TLK1: variants seen among roughly 807,000 people sequenced by gnomAD.
The protein encoded by TLK1 is serine/threonine-protein kinase tousled-like 1.
A neutral mutation model predicts 105.3 loss-of-function variants in TLK1; 24 were observed. The observed-to-expected ratio is 0.23, with a 90% confidence interval of 0.17 to 0.32. The LOEUF is 0.32. TLK1 is among the 10% of genes least tolerant of loss of function. TLK1 has a pLI of 1.00. For missense variants in TLK1, 558 were observed against 910.5 expected, an observed-to-expected ratio of 0.61 and a Z score of 4.98; for synonymous variants, 321 against 310.4, an observed-to-expected ratio of 1.03 and a Z score of -0.36.
intron 1 of TLK1, among the ~76,000 whole-genome samples, chr2:171,143,120 C>T (rs926990278): frequency 6.6e-6 from 1 of 151,928 alleles, no homozygotes; most frequent in Non-Finnish European, 1.5e-5. Context: ...AATGAATGCA[C>T]GAATGGACAA....
At chr2:171,028,825 T>TA (rs964526283) in intron 11 of TLK1, among the ~76,000 whole-genome samples, 4 of 151,888 alleles carry the variant, frequency 2.6e-5, no homozygotes, top group East Asian at 1.9e-4. Context: ...TAAGCAAGCA[T>TA]AAAAAAAACC....
intron 10 of TLK1, among the ~76,000 whole-genome samples, chr2:171,049,411 G>A (rs572921110): frequency 6.6e-6 from 1 of 152,178 alleles, no homozygotes; most frequent in Non-Finnish European, 1.5e-5. Flanking sequence ...TAGGAATAGA[G>A]AGCAGGCAAG....
intron 1 of TLK1, among the ~76,000 whole-genome samples, chr2:171,150,634 T>C (rs1362900349): frequency 1.3e-5 from 2 of 152,214 alleles, no homozygotes; most frequent in Admixed American, 6.5e-5. Flanking sequence ...AGAGAAGCTG[T>C]CTTTCAAGTG....
chr2:171,128,966 ATGTGTG>A (rs10609101), intron 1 of TLK1, among the ~76,000 whole-genome samples: 1 of 150,520 alleles, frequency 6.6e-6, no homozygotes, highest in African/African-American at 2.5e-5. Flanking sequence ...GAGGAAGAGT[ATGTGTG>A]TGTGTGTGTG....
At chr2:171,115,277 T>C (rs7585619) in intron 2 of TLK1, among the ~76,000 whole-genome samples, 38,192 of 150,720 alleles carry the variant, frequency 0.25, 5,067 homozygotes, top group Middle Eastern at 0.34. Context: ...GTTCAAGCAA[T>C]TCTCCTGCCT....
chr2:171,078,110 GTTATCTTCCTTC>G (rs1688594662), intron 3 of TLK1, among the ~76,000 whole-genome samples: 3 of 152,150 alleles, frequency 2.0e-5, no homozygotes, highest in Non-Finnish European at 2.9e-5. Flanking sequence ...ATCTACACTT[GTTATCTTCCTTC>G]TGTGATGCCC....
chr2:171,207,422 T>C (rs1275485262), intron 1 of TLK1, among the ~76,000 whole-genome samples: 1 of 152,212 alleles, frequency 6.6e-6, no homozygotes, highest in Non-Finnish European at 1.5e-5. Context: ...AGAGAATTTT[T>C]AGGGCAGTAT....
chr2:171,096,644 G>C (rs1451441980), intron 2 of TLK1, among the ~76,000 whole-genome samples: 1 of 151,760 alleles, frequency 6.6e-6, no homozygotes, highest in East Asian at 1.9e-4. Context: ...TATAGTCCCA[G>C]CTACTCAGGA....
At chr2:171,082,117 T>C (rs1418346510) in intron 3 of TLK1, among the ~76,000 whole-genome samples, 1 of 152,002 alleles carries the variant, frequency 6.6e-6, no homozygotes, top group Non-Finnish European at 1.5e-5. Flanking sequence ...AGTCAAGCTG[T>C]AACATCAACA....
intron 11 of TLK1, among the ~76,000 whole-genome samples, chr2:171,038,059 T>C (rs571813751): frequency 6.6e-6 from 1 of 152,358 alleles, no homozygotes; most frequent in South Asian, 2.1e-4. Context: ...TGGATTTTGT[T>C]TCTTCTACTG....
intron 1 of TLK1, among the ~76,000 whole-genome samples, chr2:171,184,798 A>G (rs1692994047): frequency 6.6e-6 from 1 of 152,062 alleles, no homozygotes; most frequent in Non-Finnish European, 1.5e-5. Context: ...TGATCCATTT[A>G]TCAGAAAGGA....
intron 11 of TLK1, among the ~76,000 whole-genome samples, chr2:171,032,960 C>T (rs1209676480): frequency 1.3e-5 from 2 of 152,156 alleles, no homozygotes; most frequent in Non-Finnish European, 2.9e-5. Flanking sequence ...GTAATGCCAG[C>T]ACTTTCGGAA....
At chr2:171,197,059 G>C (rs1023844056) in intron 1 of TLK1, among the ~76,000 whole-genome samples, 1 of 151,964 alleles carries the variant, frequency 6.6e-6, no homozygotes, top group African/African-American at 2.4e-5. Context: ...CTAAGTGTGG[G>C]GAAAGTACAA....
At chr2:171,033,665 A>G (rs1488422496) in intron 11 of TLK1, among the ~76,000 whole-genome samples, 1 of 151,222 alleles carries the variant, frequency 6.6e-6, no homozygotes, top group Non-Finnish European at 1.5e-5. Context: ...GTATCATAAT[A>G]TATCATGTAC....
intron 12 of TLK1, among the ~76,000 whole-genome samples, chr2:171,022,299 G>C (rs1685565698): frequency 6.6e-6 from 1 of 152,022 alleles, no homozygotes; most frequent in African/African-American, 2.4e-5. Context: ...CCCATCTACA[G>C]CTAGTTCCAT....
intron 1 of TLK1, among the ~76,000 whole-genome samples, chr2:171,135,796 A>G (rs1691294684): frequency 6.6e-6 from 1 of 152,144 alleles, no homozygotes; most frequent in South Asian, 2.1e-4. Context: ...GAAAAAAAGA[A>G]AAAGATGCTC....
intron 1 of TLK1, among the ~76,000 whole-genome samples, chr2:171,188,375 G>A (rs1191569693): frequency 6.6e-6 from 1 of 152,168 alleles, no homozygotes; most frequent in African/African-American, 2.4e-5. Flanking sequence ...TTCAAGACCA[G>A]CCTGGCCAAC....
At chr2:171,034,876 A>G (rs961902512) in intron 11 of TLK1, among the ~76,000 whole-genome samples, 3 of 152,116 alleles carry the variant, frequency 2.0e-5, no homozygotes, top group Non-Finnish European at 2.9e-5. Flanking sequence ...TATACTTAGT[A>G]TAAGTATAAT....
At chr2:171,157,255 G>A (rs1402130322) in intron 1 of TLK1, among the ~76,000 whole-genome samples, 1 of 152,200 alleles carries the variant, frequency 6.6e-6, no homozygotes, top group East Asian at 1.9e-4. Flanking sequence ...AAGTACCCAT[G>A]TACTGATATG....
Sources: allele counts gnomAD v4.1 joint callset (sites outside exome capture counted in the v4.1 genomes callset), GRCh38; gene constraint gnomAD v4.1.1; transcripts MANE v1.5; gene names NCBI Gene and HGNC (gene_info 2026-07-23, HGNC 2026-07-21).